Variants in ZNF490 observed in about 807,000 individuals in gnomAD.
ZNF490 encodes zinc finger protein 490.
In ZNF490, 11 loss-of-function variants were observed where a neutral mutation model predicts 17.7. The observed-to-expected ratio is 0.62, with a 90% CI of 0.39 to 1.03. The LOEUF is 1.03. Ranked by LOEUF, ZNF490 falls within the 50% of genes least tolerant of loss-of-function variation. ZNF490 has a pLI of 0.00. For synonymous variants in ZNF490, 222 were observed against 216.1 expected (o/e 1.03, Z -0.24); for missense variants, 542 against 643.4 (o/e 0.84, Z 1.71).
intron 3 of ZNF490, 60 bp from the exon 4 acceptor site, chr19:12,582,970 A>G (rs1599305663): frequency 1.2e-5 from 17 of 1,362,738 alleles, no homozygotes; most frequent in African/African-American, 2.9e-5. Context: ...AAATTATAAC[A>G]CTCTAAGATC....
At chr19:12,583,288 C>G (rs2022763671) in intron 3 of ZNF490, 142 bp downstream of exon 3, 1 of 952,912 alleles carries the variant, frequency 1.0e-6, no homozygotes, top group African/African-American at 1.7e-5. Context: ...ATCCGCCCGC[C>G]TCAGCCTCCC....
At position 12,578,970 on chromosome 19, in the gene ZNF490, G is replaced by C; in HGVS notation, c.*1515C>G. ...GGTTTCATGGTTTTAAAATGAACTG[G>C]AGGCCGGGCGCGGTGGCTCACGCCT... On this transcript the variant is annotated 3_prime_UTR_variant, in exon 5 of 5. Coordinates refer to ENST00000311437, the MANE Select transcript of ZNF490 (RefSeq NM_020714.3). The C allele has an allele frequency of 2.0e-6, 2 of 985,550 alleles. No homozygotes were observed. Among genetic ancestry groups the C allele is most frequent in the African/African-American group, 1.7e-5 (1 of 57,344 alleles). The allele number at this position is 985,550 out of a possible 1,614,324, so 61.1% of individuals were successfully genotyped here.
In ZNF490 at chr19:12,580,545, G is replaced by A; in HGVS notation, c.1530C>T (p.Ala510=). Residue 510 remains alanine (A), a synonymous_variant, in exon 5 of 5, where the codon GCC becomes GCT. Transcript: ENST00000311437. ...RPFQCRQCGK[A]FSYSKSLHVH... ...CGTGCAAAGACTTTGAGTAACTGAA[G>A]GCTTTACCACATTGTCTACACTGAA... 1 of 1,613,496 alleles carries A rather than the reference G, an allele frequency of 6.2e-7. No individual in the cohort carries two copies. The highest frequency in any genetic ancestry group is 8.5e-7 in the Non-Finnish European group (1 of 1,179,772).
At chr19:12,607,328 T>C (rs949181625) in intron 2 of ZNF490, among the ~76,000 whole-genome samples, 1 of 151,656 alleles carries the variant, frequency 6.6e-6, no homozygotes, top group Admixed American at 6.6e-5. Context: ...ATAGCTGGGA[T>C]TACAGATGTG....
chr19:12,578,539 G>A lies in ZNF490; in HGVS notation c.*1946C>T, dbSNP rs769748547. ...AGGTTTGAGATGGGAAATGGAGCTG[G>A]AGATGACCTCAAAACAGCCCTGGAA... On this transcript the variant is annotated 3_prime_UTR_variant, in exon 5 of 5. Coordinates refer to ENST00000311437, the MANE Select transcript of ZNF490 (RefSeq NM_020714.3). 2 of 985,452 alleles carry A rather than the reference G, an allele frequency of 2.0e-6. No individual in the cohort carries two copies. The highest frequency in any genetic ancestry group is 2.4e-6 in the Non-Finnish European group (2 of 829,944). The allele number at this position is 985,452 out of a possible 1,614,324, so 61.0% of individuals were successfully genotyped here.
chr19:12,597,311 T>C, intron 2 of ZNF490: 1 of 400,466 alleles, frequency 2.5e-6, no homozygotes. Context: ...CATTCAGAGC[T>C]AGGGTGCAAG....
chr19:12,581,557 C>G lies in ZNF490; in HGVS notation c.518G>C (p.Arg173Thr), dbSNP rs758751885. The G allele has an allele frequency of 2.7e-5, 44 of 1,614,086 alleles. No homozygotes were observed. Among genetic ancestry groups the G allele is most frequent in the Non-Finnish European group, 3.7e-5 (44 of 1,180,022 alleles). ...CTGTTCAGTGTGAGATCTCATGTGC[C>G]TATTAAGGGAGACCTGATGCATGAA... is the stretch of plus-strand genomic sequence containing the variant. ...EVFMHQVSLN[R>T]HMRSHTEQKP... The change falls in exon 5 of 5, where the codon AGG becomes ACG. Residue 173 changes from arginine to threonine, a missense_variant. Transcript: ENST00000311437.
rs1031153670 is a variant in ZNF490 at position 12,577,764 on chromosome 19, G to A, written c.*2721C>T. The stretch of plus-strand genomic sequence containing the variant: ...AGGCCTAAAGAGTTCCGACCCGAGC[G>A]ACACAAAGATCACTTCTGGGACCCA... On this transcript the variant is annotated 3_prime_UTR_variant, in exon 5 of 5. Transcript: ENST00000311437. The A allele has an allele frequency of 3.0e-6, 3 of 985,364 alleles. No homozygotes were observed. The highest frequency in any genetic ancestry group is 1.1e-4 in the East Asian group (1 of 8,824). The allele number at this position is 985,364 out of a possible 1,614,324, so 61.0% of individuals were successfully genotyped here.
chr19:12,598,156 G>GGAGGTTGCAGTGAGCC (rs1368994630), intron 2 of ZNF490, among the ~76,000 whole-genome samples: 1 of 151,636 alleles, frequency 6.6e-6, no homozygotes, highest in African/African-American at 2.4e-5. Context: ...CCTGGGAGGC[G>GGAGGTTGCAGTGAGCC]GAGGTTGCAG....
At position 12,581,240 on chromosome 19, in the gene ZNF490, T is replaced by C. The variant is rs748406324; in HGVS notation, c.835A>G (p.Lys279Glu). 14 of 1,613,926 alleles carry C rather than the reference T, an allele frequency of 8.7e-6. No individual in the cohort carries two copies. In the East Asian group the frequency reaches 2.9e-4, roughly 33 times the overall value. Reference protein sequence around the residue: ...EKNHTGEKPYKCKQCGKAFIY... With the variant: ...EKNHTGEKPYECKQCGKAFIY... Reference sequence around the variant, plus strand: ...AAGGCTTTTCCACACTGTTTACATTTGTAGGGTTTCTCTCCAGTGTGATTT... The same window carrying C: ...AAGGCTTTTCCACACTGTTTACATTCGTAGGGTTTCTCTCCAGTGTGATTT... The change falls in exon 5 of 5, where the codon AAA becomes GAA. Residue 279 changes from lysine to glutamate, a missense_variant. Coordinates refer to ENST00000311437, the MANE Select transcript of ZNF490 (RefSeq NM_020714.3).
At chr19:12,591,171 T>G (rs1599308565) in intron 2 of ZNF490, among the ~76,000 whole-genome samples, 1 of 151,594 alleles carries the variant, frequency 6.6e-6, no homozygotes, top group East Asian at 2.0e-4. Flanking sequence ...GGCGGATGAC[T>G]TGAGGTCAGG....
intron 2 of ZNF490, among the ~76,000 whole-genome samples, chr19:12,602,085 C>T (rs545256351): frequency 0.059 from 7,414 of 126,398 alleles, 304 homozygotes; most frequent in African/African-American, 0.15. Flanking sequence ...TATATACACA[C>T]ACACACACAC....
chr19:12,584,374 T>G lies in ZNF490; in HGVS notation c.163-818A>C, dbSNP rs1251207888. Among the ~76,000 whole-genome samples, 2 of 90,400 alleles carry G rather than the reference T, an allele frequency of 2.2e-5. 1 individual carries two copies. Among genetic ancestry groups the G allele is most frequent in the African/African-American group, 6.7e-5 (2 of 29,954 alleles). 59.3% of individuals were successfully genotyped at this position (90,400 alleles called of 152,430 possible). A position where few individuals can be genotyped will look rare whatever the true frequency, so the allele number is the denominator to read the frequency against. ...GGTTTCACCATGTTAGCCAGGATGG[T>G]CTTGATCTCCTGACCTCGTGAATCG... is the stretch of plus-strand genomic sequence containing the variant. On this transcript the variant is annotated intron_variant, in intron 2 of 4. Coordinates refer to ENST00000311437, the MANE Select transcript of ZNF490 (RefSeq NM_020714.3).
intron 2 of ZNF490, among the ~76,000 whole-genome samples, chr19:12,597,703 T>C (rs996846655): frequency 6.6e-6 from 1 of 152,230 alleles, no homozygotes; most frequent in African/African-American, 2.4e-5. Flanking sequence ...ATTCTGTATT[T>C]GTCCTTTTCC....
intron 2 of ZNF490, among the ~76,000 whole-genome samples, chr19:12,586,130 C>T: frequency 1.1e-5 from 1 of 90,686 alleles, no homozygotes; most frequent in Non-Finnish European, 3.0e-5. Context: ...AGCAAAACCC[C>T]ATCTCTACTA....
At chr19:12,583,359 T>C in intron 3 of ZNF490, 71 bp downstream of exon 3, 27 of 1,487,304 alleles carry the variant, frequency 1.8e-5, no homozygotes, top group Non-Finnish European at 2.3e-5. Flanking sequence ...TTTTAAACCT[T>C]GGAACTCAGT....
chr19:12,579,632 G>GA lies in ZNF490; in HGVS notation c.*852dup, dbSNP rs2022697395. ...TTAAGATCAGCCTGGTCAACATGGTGAAACACTGTCTCTACTAAAAATATA... is the reference window on the plus strand; with the variant it reads ...TTAAGATCAGCCTGGTCAACATGGTGAAAACACTGTCTCTACTAAAAATATA... On this transcript the variant is annotated 3_prime_UTR_variant, in exon 5 of 5. Coordinates refer to ENST00000311437, the MANE Select transcript of ZNF490 (RefSeq NM_020714.3). 1 of 151,978 alleles carries GA rather than the reference G, an allele frequency of 6.6e-6. No individual in the cohort carries two copies. Among genetic ancestry groups the GA allele is most frequent in the Non-Finnish European group, 1.5e-5 (1 of 68,002 alleles). The allele number at this position is 151,978 out of a possible 1,614,324, so 9.4% of individuals were successfully genotyped here. A position where few individuals can be genotyped will look rare whatever the true frequency, so the allele number is the denominator to read the frequency against.
chr19:12,582,580 G>C (rs1387023187), intron 4 of ZNF490, among the ~76,000 whole-genome samples: 2 of 151,838 alleles, frequency 1.3e-5, no homozygotes, highest in Non-Finnish European at 2.9e-5. Flanking sequence ...ATTTTTAGTA[G>C]AGACAGGGTT....
At chr19:12,583,089 T>C (rs1200102706) in intron 3 of ZNF490, among the ~76,000 whole-genome samples, 179 bp from the exon 4 acceptor site, 4 of 151,810 alleles carry the variant, frequency 2.6e-5, no homozygotes, top group Admixed American at 6.6e-5. Context: ...TTGCCCAGGC[T>C]GGAGTGCAAT....
Sources: allele counts gnomAD v4.1 joint callset (sites outside exome capture counted in the v4.1 genomes callset), GRCh38; gene constraint gnomAD v4.1.1; transcripts MANE v1.5; gene names NCBI Gene and HGNC (gene_info 2026-07-23, HGNC 2026-07-21).